SLC14A2: variants seen among roughly 807,000 people sequenced by gnomAD.
The protein encoded by SLC14A2 is solute carrier family 14 member 2, also known as urea transporter 2.
SLC14A2 carries 91 observed loss-of-function variants against 104.6 expected under a neutral mutation model. That is an observed-to-expected ratio of 0.87 (90% confidence interval 0.73 to 1.04). The LOEUF is 1.04. Ranked by LOEUF, SLC14A2 falls within the 50% of genes least tolerant of loss-of-function variation. The pLI is 0.00. For synonymous variants in SLC14A2, 476 were observed against 466.4 expected (o/e 1.02, Z -0.27); for missense variants, 1,189 against 1,156.0 (o/e 1.03, Z -0.41).
At chr18:45,628,530 C>G (rs979422510) in intron 4 of SLC14A2, among the ~76,000 whole-genome samples, 1 of 151,766 alleles carries the variant, frequency 6.6e-6, no homozygotes, top group Non-Finnish European at 1.5e-5. Context: ...TTCAGTGGAT[C>G]TGAGAGTGGG....
chr18:45,466,628 C>T (rs940404247), intron 1 of SLC14A2, among the ~76,000 whole-genome samples: 1 of 148,788 alleles, frequency 6.7e-6, no homozygotes, highest in African/African-American at 2.5e-5. Context: ...ACTCAGGTGA[C>T]CTAACATCCT....
chr18:45,601,840 T>C (rs2044794818), intron 2 of SLC14A2, among the ~76,000 whole-genome samples: 1 of 152,252 alleles, frequency 6.6e-6, no homozygotes, highest in South Asian at 2.1e-4. Flanking sequence ...AGCTGAACTA[T>C]GGTGACTTAC....
chr18:45,374,512 A>G (rs994861909), intron 1 of SLC14A2, among the ~76,000 whole-genome samples: 5 of 152,018 alleles, frequency 3.3e-5, no homozygotes, highest in African/African-American at 9.7e-5. Flanking sequence ...GTTGGAAGGG[A>G]CCTCAGAAAC....
intron 1 of SLC14A2, among the ~76,000 whole-genome samples, chr18:45,396,512 A>G (rs1406381994): frequency 2.6e-5 from 4 of 151,668 alleles, no homozygotes; most frequent in African/African-American, 9.7e-5. Flanking sequence ...CTTTTCTGTC[A>G]CTTTCTATGA....
chr18:45,524,557 C>T (rs1023433119), intron 2 of SLC14A2, among the ~76,000 whole-genome samples: 8 of 152,166 alleles, frequency 5.3e-5, no homozygotes, highest in African/African-American at 1.9e-4. Flanking sequence ...AGGCAAGGTA[C>T]CCTGAACATA....
At chr18:45,379,396 C>T (rs1340943472) in intron 1 of SLC14A2, among the ~76,000 whole-genome samples, 1 of 152,154 alleles carries the variant, frequency 6.6e-6, no homozygotes, top group Admixed American at 6.5e-5. Context: ...TGGCCTTTCC[C>T]ATGTCTGAAG....
intron 1 of SLC14A2, among the ~76,000 whole-genome samples, chr18:45,427,728 G>A (rs2086454610): frequency 6.6e-6 from 1 of 152,146 alleles, no homozygotes; most frequent in Non-Finnish European, 1.5e-5. Flanking sequence ...GATCAGAAAT[G>A]TGACTATATT....
At chr18:45,573,021 A>G (rs772495518) in intron 2 of SLC14A2, among the ~76,000 whole-genome samples, 19 of 152,366 alleles carry the variant, frequency 1.2e-4, no homozygotes, top group Non-Finnish European at 2.6e-4. Context: ...CAAAACACCA[A>G]GACAGACAGA....
intron 2 of SLC14A2, among the ~76,000 whole-genome samples, chr18:45,556,694 T>C (rs2044137404): frequency 6.6e-6 from 1 of 152,212 alleles, no homozygotes; most frequent in Non-Finnish European, 1.5e-5. Context: ...AATTCTGTAT[T>C]TATATTTACA....
At chr18:45,475,569 A>T (rs1449620716) in intron 1 of SLC14A2, among the ~76,000 whole-genome samples, 2 of 145,640 alleles carry the variant, frequency 1.4e-5, no homozygotes, top group Non-Finnish European at 3.0e-5. Context: ...TTTAGGATAT[A>T]TATTTAGGAT....
intron 1 of SLC14A2, among the ~76,000 whole-genome samples, chr18:45,404,280 G>A (rs1031439967): frequency 5.9e-5 from 9 of 152,130 alleles, no homozygotes; most frequent in Admixed American, 2.0e-4. Flanking sequence ...GGATTAACGA[G>A]CCTAATGTAC....
the SLC14A2 span, among the ~76,000 whole-genome samples, chr18:45,168,166 C>T: frequency 6.6e-6 from 1 of 152,204 alleles, no homozygotes; most frequent in Non-Finnish European, 1.5e-5. Flanking sequence ...GTGTCATCCT[C>T]ATCAAGCTTT....
intron 1 of SLC14A2, among the ~76,000 whole-genome samples, chr18:45,618,879 T>C (rs2045118454): frequency 6.6e-6 from 1 of 151,918 alleles, no homozygotes. Flanking sequence ...GCATACGAAA[T>C]AGGCACAGCC....
intron 2 of SLC14A2, among the ~76,000 whole-genome samples, chr18:45,516,515 G>A (rs1331105338): frequency 6.6e-6 from 1 of 152,168 alleles, no homozygotes; most frequent in African/African-American, 2.4e-5. Flanking sequence ...TAAGAGATGG[G>A]CTTTCTGAAT....
intron 2 of SLC14A2, among the ~76,000 whole-genome samples, chr18:45,517,108 T>G (rs758432917): frequency 6.6e-6 from 1 of 152,144 alleles, no homozygotes; most frequent in Non-Finnish European, 1.5e-5. Context: ...TTCGGTGAGA[T>G]GTGCACAACT....
intron 1 of SLC14A2, among the ~76,000 whole-genome samples, chr18:45,228,986 C>G (rs1035334109): frequency 6.6e-6 from 1 of 152,134 alleles, no homozygotes; most frequent in Non-Finnish European, 1.5e-5. Context: ...TGCCATCTGT[C>G]GCAGAAATCC....
At chr18:45,336,912 T>A (rs1428184372) in intron 1 of SLC14A2, among the ~76,000 whole-genome samples, 1 of 152,018 alleles carries the variant, frequency 6.6e-6, no homozygotes, top group Non-Finnish European at 1.5e-5. Flanking sequence ...GAGTATACAA[T>A]ATGCATTTAC....
At chr18:45,236,960 A>G (rs1223732249) in intron 1 of SLC14A2, among the ~76,000 whole-genome samples, 1 of 152,124 alleles carries the variant, frequency 6.6e-6, no homozygotes, top group Non-Finnish European at 1.5e-5. Flanking sequence ...GGGGCCTGGA[A>G]GTCTTGGGGG....
At chr18:45,305,497 A>G (rs1339812598) in intron 1 of SLC14A2, among the ~76,000 whole-genome samples, 2 of 152,152 alleles carry the variant, frequency 1.3e-5, no homozygotes, top group Non-Finnish European at 2.9e-5. Flanking sequence ...TATTAATATT[A>G]GGCTTTTCTC....
Sources: gnomAD v4.1 joint callset for allele counts (sites outside exome capture counted in the v4.1 genomes callset) on GRCh38, gnomAD v4.1.1 for gene constraint, MANE v1.5 for transcripts, NCBI Gene and HGNC (gene_info 2026-07-23, HGNC 2026-07-21) for gene names.